Variants in EIF2B3 observed in about 807,000 individuals in gnomAD.
EIF2B3 encodes translation initiation factor eIF2B subunit gamma.
EIF2B3 carries 20 observed loss-of-function variants against 54.1 expected under a neutral mutation model. That is an observed-to-expected ratio of 0.37 (90% confidence interval 0.26 to 0.54). The LOEUF (loss-of-function observed/expected upper bound fraction) is 0.54, where lower values mean the gene tolerates loss of function less well. Ranked by LOEUF, EIF2B3 falls within the 20% of genes least tolerant of loss-of-function variation. The pLI is 0.86. For synonymous variants in EIF2B3, 153 were observed against 188.1 expected (o/e 0.81, Z 1.52); for missense variants, 448 against 547.8 (o/e 0.82, Z 1.82).
chr1:44,911,712 G>GT (rs910714336), intron 5 of EIF2B3, among the ~76,000 whole-genome samples: 18 of 150,480 alleles, frequency 1.2e-4, no homozygotes, highest in South Asian at 2.1e-4. Flanking sequence ...GTTTTGTTTT[G>GT]TTTTTTTATT....
chr1:44,963,694 G>A (rs1029619112), intron 3 of EIF2B3, among the ~76,000 whole-genome samples: 4 of 152,156 alleles, frequency 2.6e-5, no homozygotes, highest in African/African-American at 9.7e-5. Context: ...AAATTGTACT[G>A]CACCTTTCCA....
At chr1:44,955,777 T>C (rs1644217176) in intron 3 of EIF2B3, among the ~76,000 whole-genome samples, 1 of 152,066 alleles carries the variant, frequency 6.6e-6, no homozygotes, top group Admixed American at 6.5e-5. Flanking sequence ...TCATCACTGG[T>C]CATTAGAAAA....
At chr1:44,924,576 C>T (rs914102440) in intron 5 of EIF2B3, among the ~76,000 whole-genome samples, 3 of 151,808 alleles carry the variant, frequency 2.0e-5, no homozygotes, top group South Asian at 2.1e-4. Context: ...TTAGTAGAGA[C>T]GGGGTTTCAC....
intron 5 of EIF2B3, among the ~76,000 whole-genome samples, chr1:44,923,523 T>C (rs771140469): frequency 1.2e-4 from 18 of 152,228 alleles, no homozygotes; most frequent in Non-Finnish European, 2.2e-4. Context: ...GTTATAAAAT[T>C]TCACAATGAT....
At chr1:44,860,403 A>G (rs777561630) in intron 10 of EIF2B3, among the ~76,000 whole-genome samples, 2 of 152,150 alleles carry the variant, frequency 1.3e-5, no homozygotes, top group African/African-American at 2.4e-5. Context: ...CCCCCCATCA[A>G]TTATTTTGGT....
intron 5 of EIF2B3, among the ~76,000 whole-genome samples, chr1:44,899,032 G>A (rs1656074567): frequency 6.6e-6 from 1 of 152,068 alleles, no homozygotes; most frequent in African/African-American, 2.4e-5. Context: ...TGTTGCCTAG[G>A]CTAATCTTGA....
At chr1:44,899,666 AAACAAC>A (rs373660820) in intron 5 of EIF2B3, among the ~76,000 whole-genome samples, 1 of 152,150 alleles carries the variant, frequency 6.6e-6, no homozygotes, top group Non-Finnish European at 1.5e-5. Flanking sequence ...TTAAAAAGTC[AAACAAC>A]AACAACAACA....
At chr1:44,889,394 G>A (rs559306400) in intron 6 of EIF2B3, among the ~76,000 whole-genome samples, 4 of 151,932 alleles carry the variant, frequency 2.6e-5, no homozygotes, top group East Asian at 2.0e-4. Flanking sequence ...AACACCGGCC[G>A]GGTGTGGTGG....
intron 3 of EIF2B3, among the ~76,000 whole-genome samples, chr1:44,971,730 A>G (rs1203438793): frequency 6.6e-6 from 1 of 152,138 alleles, no homozygotes; most frequent in African/African-American, 2.4e-5. Flanking sequence ...TATTGGGATG[A>G]CTACTATTAA....
At chr1:44,861,441 G>T (rs2148894938) in intron 10 of EIF2B3, among the ~76,000 whole-genome samples, 1 of 152,300 alleles carries the variant, frequency 6.6e-6, no homozygotes, top group South Asian at 2.1e-4. Flanking sequence ...AGCTAGGCAA[G>T]AGGTAAACAT....
intron 3 of EIF2B3, among the ~76,000 whole-genome samples, 192 bp from the exon 4 acceptor site, chr1:44,941,857 T>C (rs1200852108): frequency 1.3e-5 from 2 of 152,200 alleles, no homozygotes; most frequent in African/African-American, 4.8e-5. Flanking sequence ...CTGGAAACTC[T>C]ACCTCTCCCT....
intron 10 of EIF2B3, among the ~76,000 whole-genome samples, chr1:44,873,873 C>T (rs1655039853): frequency 6.6e-6 from 1 of 151,724 alleles, no homozygotes; most frequent in South Asian, 2.1e-4. Context: ...TAATCTCGAA[C>T]TCCTGACCTC....
At chr1:44,948,375 T>A (rs138690817) in intron 3 of EIF2B3, among the ~76,000 whole-genome samples, 1 of 152,260 alleles carries the variant, frequency 6.6e-6, no homozygotes, top group East Asian at 1.9e-4. Flanking sequence ...TTAGTTCAGG[T>A]CTCAAAATCT....
chr1:44,884,355 TC>T (rs1042253801), intron 6 of EIF2B3, among the ~76,000 whole-genome samples: 23 of 152,054 alleles, frequency 1.5e-4, no homozygotes, highest in Admixed American at 3.9e-4. Context: ...CCACCACCTC[TC>T]CCAGCCCCCA....
chr1:44,852,448 C>T (rs1654301121), intron 11 of EIF2B3, among the ~76,000 whole-genome samples: 1 of 152,046 alleles, frequency 6.6e-6, no homozygotes, highest in Non-Finnish European at 1.5e-5. Flanking sequence ...TATCTCTATT[C>T]CTACATCATT....
At chr1:44,976,094 T>C (rs1644450535) in intron 3 of EIF2B3, among the ~76,000 whole-genome samples, 1 of 152,042 alleles carries the variant, frequency 6.6e-6, no homozygotes, top group African/African-American at 2.4e-5. Flanking sequence ...GCAATAACCA[T>C]AAAAGAAAAA....
chr1:44,935,511 T>C (rs1414683863), intron 4 of EIF2B3, among the ~76,000 whole-genome samples: 1 of 152,204 alleles, frequency 6.6e-6, no homozygotes, highest in Non-Finnish European at 1.5e-5. Flanking sequence ...ATTCTTTTTT[T>C]ATTTTGGAGA....
intron 1 of EIF2B3, among the ~76,000 whole-genome samples, chr1:44,981,941 T>TAAAA (rs1644517937): frequency 2.2e-5 from 1 of 46,456 alleles, no homozygotes; most frequent in African/African-American, 1.5e-4. Flanking sequence ...AGATCCTGTC[T>TAAAA]CAAAAAAAAA....
intron 5 of EIF2B3, among the ~76,000 whole-genome samples, chr1:44,914,776 C>T (rs1643588522): frequency 6.6e-6 from 1 of 152,064 alleles, no homozygotes; most frequent in Non-Finnish European, 1.5e-5. Context: ...GCTAGCTCCG[C>T]CACCCTGTTT....
Sources: allele counts gnomAD v4.1 joint callset (sites outside exome capture counted in the v4.1 genomes callset), GRCh38; gene constraint gnomAD v4.1.1; transcripts MANE v1.5; gene names NCBI Gene and HGNC (gene_info 2026-07-23, HGNC 2026-07-21).